The following DGKB variants were observed in gnomAD, a reference collection of about 807,000 sequenced individuals.
DGKB encodes the protein diacylglycerol kinase beta.
A neutral mutation model predicts 114.3 loss-of-function variants in DGKB; 67 were observed. That is an observed-to-expected ratio of 0.59 (90% CI 0.48 to 0.72). The LOEUF (loss-of-function observed/expected upper bound fraction) is 0.72. Ranked by LOEUF, DGKB falls within the 30% of genes least tolerant of loss-of-function variation. The pLI is 0.00. For synonymous variants in DGKB, 398 were observed against 323.1 expected (o/e 1.23, Z -2.49); for missense variants, 907 against 975.2 (o/e 0.93, Z 0.93).
At chr7:14,575,383 G>T (rs553345465) in intron 19 of DGKB, among the ~76,000 whole-genome samples, 7 of 152,164 alleles carry the variant, frequency 4.6e-5, no homozygotes, top group South Asian at 2.1e-4. Context: ...CGGTCAACAT[G>T]ACCTGAAAAT....
chr7:14,920,509 A>T (rs763838055), intron 1 of DGKB, among the ~76,000 whole-genome samples: 2 of 152,222 alleles, frequency 1.3e-5, no homozygotes, highest in Admixed American at 6.5e-5. Flanking sequence ...AATGCTGGTG[A>T]GGAAGTAGAA....
intron 25 of DGKB, among the ~76,000 whole-genome samples, chr7:14,151,462 CT>C (rs201389493): frequency 0.028 from 3,945 of 143,154 alleles, 60 homozygotes; most frequent in Middle Eastern, 0.042. Flanking sequence ...ATATTAAAAA[CT>C]TTTTAAAAAA....
chr7:14,671,184 G>A (rs1818903514), intron 13 of DGKB, among the ~76,000 whole-genome samples: 1 of 152,112 alleles, frequency 6.6e-6, no homozygotes, highest in Admixed American at 6.6e-5. Context: ...CCATGACATA[G>A]GAGGGTAGAA....
intron 23 of DGKB, among the ~76,000 whole-genome samples, chr7:14,271,716 T>C (rs1276332571): frequency 6.6e-6 from 1 of 152,192 alleles, no homozygotes; most frequent in African/African-American, 2.4e-5. Context: ...TCAGCTTAAA[T>C]GCCCCAAACA....
chr7:14,439,212 C>T (rs1163993099), intron 21 of DGKB, among the ~76,000 whole-genome samples: 1 of 152,062 alleles, frequency 6.6e-6, no homozygotes, highest in Non-Finnish European at 1.5e-5. Context: ...CTGGTATTAG[C>T]TAATGTCATC....
At chr7:14,379,207 A>G (rs2128674848) in intron 21 of DGKB, among the ~76,000 whole-genome samples, 1 of 152,100 alleles carries the variant, frequency 6.6e-6, no homozygotes, top group Admixed American at 6.5e-5. Context: ...TTCTTGTCTC[A>G]TTATGCTGAA....
At position 14,673,953 on chromosome 7, in the gene DGKB, A is replaced by T. The variant is rs140170360; in HGVS notation, c.1036-926T>A. 5.2e-3 allele frequency among the ~76,000 whole-genome samples: 798 copies of T among 152,300 alleles called. 4 individuals carry two copies. The highest frequency in any genetic ancestry group is 7.6e-3 in the Non-Finnish European group (518 of 68,026). On this transcript the variant is annotated intron_variant, in intron 12 of 25. Transcript: ENST00000402815. ...CCACATTATTTTTCCATTTTGAATC[A>T]AAAGCTACCTCATTTAAGCCTTGGC... is the stretch of plus-strand genomic sequence containing the variant.
At chr7:14,658,659 CA>C (rs1431080883) in intron 13 of DGKB, among the ~76,000 whole-genome samples, 1 of 151,590 alleles carries the variant, frequency 6.6e-6, no homozygotes, top group Non-Finnish European at 1.5e-5. Context: ...ATGCATGTAA[CA>C]AAATATTACA....
At chr7:14,174,259 A>G (rs959775609) in intron 25 of DGKB, among the ~76,000 whole-genome samples, 1 of 152,124 alleles carries the variant, frequency 6.6e-6, no homozygotes, top group African/African-American at 2.4e-5. Context: ...CTACTTTGCT[A>G]TTTATTAGCT....
chr7:14,728,883 A>G (rs1366343264), intron 5 of DGKB, among the ~76,000 whole-genome samples: 1 of 151,300 alleles, frequency 6.6e-6, no homozygotes, highest in Non-Finnish European at 1.5e-5. Context: ...TTGTATTTTT[A>G]GTAAAGACGG....
rs540786234 is a variant in DGKB at position 14,399,934 on chromosome 7, A to G, written c.1836-54543T>C. ...GAAGAGATACACGAAGGACAATATT[A>G]ACAAGAAATTTAGAATATTACAAAA... On this transcript the variant is annotated intron_variant, in intron 21 of 25. Transcript: ENST00000402815. 5.3e-4 allele frequency among the ~76,000 whole-genome samples: 81 copies of G among 152,062 alleles called. 1 individual carries two copies. The highest frequency in any genetic ancestry group is 3.5e-3 in the Admixed American group (53 of 15,224).
intron 20 of DGKB, among the ~76,000 whole-genome samples, chr7:14,495,005 G>T (rs1215554965): frequency 6.6e-6 from 1 of 151,718 alleles, no homozygotes; most frequent in East Asian, 1.9e-4. Context: ...GGCTAAATTT[G>T]ATAGTATTGT....
At chr7:14,759,757 C>A (rs534353298) in intron 2 of DGKB, among the ~76,000 whole-genome samples, 1 of 152,132 alleles carries the variant, frequency 6.6e-6, no homozygotes, top group Non-Finnish European at 1.5e-5. Context: ...TAATTCAATT[C>A]TCTTGGCTAT....
At chr7:14,622,776 T>G (rs1370027761) in intron 14 of DGKB, among the ~76,000 whole-genome samples, 1 of 152,130 alleles carries the variant, frequency 6.6e-6, no homozygotes, top group Non-Finnish European at 1.5e-5. Flanking sequence ...CTACTCCAGC[T>G]GCACTGGCTT....
chr7:14,603,060 A>G (rs1012708626), intron 17 of DGKB, among the ~76,000 whole-genome samples: 2 of 152,100 alleles, frequency 1.3e-5, no homozygotes, highest in African/African-American at 4.8e-5. Flanking sequence ...TCAAAGGGGG[A>G]AATTTGTGTG....
At chr7:14,586,811 A>G (rs1179540074) in intron 17 of DGKB, among the ~76,000 whole-genome samples, 1 of 151,632 alleles carries the variant, frequency 6.6e-6, no homozygotes, top group Non-Finnish European at 1.5e-5. Flanking sequence ...TCTTTACAGC[A>G]TGGTTTACTG....
intron 2 of DGKB, among the ~76,000 whole-genome samples, chr7:14,816,994 T>G (rs774077776): frequency 6.6e-6 from 1 of 152,176 alleles, no homozygotes; most frequent in African/African-American, 2.4e-5. Context: ...TGCATTAATA[T>G]TTTATCTTTT....
intron 23 of DGKB, among the ~76,000 whole-genome samples, chr7:14,306,452 A>G (rs886369821): frequency 6.6e-6 from 1 of 152,118 alleles, no homozygotes; most frequent in Admixed American, 6.6e-5. Context: ...TTTTCTGGTC[A>G]ATATTAATAA....
At chr7:14,253,096 G>A (rs1324008157) in intron 23 of DGKB, among the ~76,000 whole-genome samples, 1 of 151,594 alleles carries the variant, frequency 6.6e-6, no homozygotes, top group Non-Finnish European at 1.5e-5. Context: ...GTGCAGTGGT[G>A]CAATCTTGGC....
Sources: allele counts gnomAD v4.1 joint callset (sites outside exome capture counted in the v4.1 genomes callset), GRCh38; gene constraint gnomAD v4.1.1; transcripts MANE v1.5; gene names NCBI Gene and HGNC (gene_info 2026-07-23, HGNC 2026-07-21).